The following PAK3 variants were observed in gnomAD, a reference collection of about 807,000 sequenced individuals.
PAK3 encodes p21 (RAC1) activated kinase 3.
Under a neutral mutation model 41.0 loss-of-function variants are expected in PAK3, and 4 were observed. That is an observed-to-expected ratio of 0.10 (90% CI 0.05 to 0.22). The LOEUF is 0.22. Ranked by LOEUF, PAK3 falls within the 10% of genes least tolerant of loss-of-function variation. PAK3 has a pLI of 1.00. For synonymous variants in PAK3, 146 were observed against 139.6 expected, an observed-to-expected ratio of 1.05 and a Z score of -0.32; for missense variants, 205 against 409.9, an observed-to-expected ratio of 0.50 and a Z score of 4.32.
At chrX:111,123,955 G>T (rs1173567566) in intron 5 of PAK3, among the ~76,000 whole-genome samples, 2 of 111,582 alleles carry the variant, frequency 1.8e-5, no homozygotes, top group Admixed American at 9.6e-5. Context: ...TAACTTTCAG[G>T]TTACATTAAT....
intron 11 of PAK3, among the ~76,000 whole-genome samples, chrX:111,184,006 T>C (rs2094485214): frequency 8.9e-6 from 1 of 111,745 alleles, no homozygotes; most frequent in Admixed American, 9.5e-5. Context: ...CCTTTGTTAC[T>C]TACTTGCTAT....
intron 1 of PAK3, among the ~76,000 whole-genome samples, chrX:111,050,680 A>C (rs1246388936): frequency 1.8e-5 from 2 of 111,791 alleles, no homozygotes; most frequent in African/African-American, 6.5e-5. Context: ...GTTGGCAGCA[A>C]TCTCAGATTG....
chrX:111,146,431 A>G, intron 6 of PAK3: 1 of 615,793 alleles, frequency 1.6e-6, no homozygotes, highest in East Asian at 3.6e-5. Flanking sequence ...CCCCCCATTC[A>G]GACCCATTGG....
At chrX:110,944,639 G>A (rs1041078867) in intron 1 of PAK3, 2 of 112,427 alleles carry the variant, frequency 1.8e-5, no homozygotes, top group African/African-American at 6.5e-5. Flanking sequence ...GTCTGTGCAG[G>A]GGGGGCGCTT....
intron 7 of PAK3, among the ~76,000 whole-genome samples, chrX:111,148,268 T>C (rs1043713931): frequency 1.8e-5 from 2 of 111,989 alleles, no homozygotes; most frequent in Non-Finnish European, 3.8e-5. Flanking sequence ...CTTAGATTCA[T>C]TGATTTACAC....
chrX:111,080,901 T>C (rs1205453818), intron 1 of PAK3, among the ~76,000 whole-genome samples: 1 of 111,878 alleles, frequency 8.9e-6, no homozygotes, highest in African/African-American at 3.3e-5. Flanking sequence ...TATTCAGCCT[T>C]AAAAAGGAAG....
intron 11 of PAK3, among the ~76,000 whole-genome samples, chrX:111,176,186 G>T (rs1039676557): frequency 1.7e-4 from 19 of 110,868 alleles, no homozygotes; most frequent in African/African-American, 6.2e-4. Context: ...TGCCAACTCC[G>T]TCTCTGTGGG....
intron 1 of PAK3, among the ~76,000 whole-genome samples, chrX:111,069,536 T>C (rs1016140574): frequency 3.6e-5 from 4 of 111,143 alleles, no homozygotes; most frequent in Non-Finnish European, 7.5e-5. Context: ...CAATACAAAA[T>C]ATGTATTTGT....
intron 4 of PAK3, among the ~76,000 whole-genome samples, chrX:111,110,490 A>G (rs1394502624): frequency 8.9e-6 from 1 of 112,246 alleles, no homozygotes; most frequent in Non-Finnish European, 1.9e-5. Flanking sequence ...GCTACAGTTT[A>G]TCTACAAATC....
chrX:111,121,004 G>C (rs16986369), intron 4 of PAK3, among the ~76,000 whole-genome samples: 2,203 of 111,805 alleles, frequency 0.02, 63 homozygotes, highest in African/African-American at 0.068. Context: ...TGTGAATTTA[G>C]AAGGACCAAA....
intron 17 of PAK3, among the ~76,000 whole-genome samples, chrX:111,218,720 G>C (rs950566898): frequency 3.6e-5 from 4 of 111,582 alleles, no homozygotes; most frequent in Admixed American, 9.5e-5. Context: ...GCTGTAGGCA[G>C]TGGGGAAACA....
chrX:111,065,316 C>A (rs1349628400), intron 1 of PAK3, among the ~76,000 whole-genome samples: 1 of 20,869 alleles, frequency 4.8e-5, no homozygotes, highest in Admixed American at 1.1e-3. Flanking sequence ...AAGATGATCA[C>A]GTTTTTTTTT....
chrX:111,145,363 C>G (rs944846333), intron 6 of PAK3, among the ~76,000 whole-genome samples: 2 of 112,076 alleles, frequency 1.8e-5, no homozygotes, highest in East Asian at 2.8e-4. Context: ...GATCATAAAA[C>G]TATTTATCAC....
rs776427750 is a variant in PAK3 at position 111,188,172 on chromosome X, A to G, written c.831-3955A>G. 1.7e-3 allele frequency among the ~76,000 whole-genome samples: 191 copies of G among 109,149 alleles called. 11 individuals are homozygous for G. Among genetic ancestry groups the G allele is most frequent in the Non-Finnish European group, 8.6e-4 (45 of 52,549 alleles). The allele number at this position is 109,149 out of a possible 115,157, so 94.8% of individuals were successfully genotyped here. A position where few individuals can be genotyped will look rare whatever the true frequency, so the allele number is the denominator to read the frequency against. On this transcript the variant is annotated intron_variant, in intron 11 of 17. Coordinates refer to ENST00000372007, the MANE Select transcript of PAK3 (RefSeq NM_002578.5). ...CAGGGTTAGAACTCTAGCAATTTTA[A>G]TACAATTAAATGCTGAGGGTGCTGG...
At chrX:111,082,544 C>A (rs1330263174) in intron 1 of PAK3, among the ~76,000 whole-genome samples, 1 of 111,393 alleles carries the variant, frequency 9.0e-6, no homozygotes, top group Non-Finnish European at 1.9e-5. Flanking sequence ...TGTGGACAAA[C>A]AAGGGCTTAT....
Position 111,225,820 on chromosome X carries a change from G to A in PAK3, c.*5373G>A, listed in dbSNP as rs1261892343. ...CTGCTATAGTGATGGCAAATATCAC[G>A]TTTAAGCCTGAGTCTCTTATGTTGC... On this transcript the variant is annotated 3_prime_UTR_variant, in exon 18 of 18. Transcript: ENST00000372007. 1.8e-5 allele frequency: 2 copies of A among 111,580 alleles called. No homozygotes were observed. The highest frequency in any genetic ancestry group is 3.8e-5 in the Non-Finnish European group (2 of 53,195). The allele number at this position is 111,580 out of a possible 1,213,427, so 9.2% of individuals were successfully genotyped here.
chrX:110,986,430 G>A (rs2091545597), intron 1 of PAK3, among the ~76,000 whole-genome samples: 1 of 111,595 alleles, frequency 9.0e-6, no homozygotes, highest in African/African-American at 3.3e-5. Context: ...AGAAGAGAGG[G>A]AAAACACAGC....
At position 111,216,490 on chromosome X, in the gene PAK3, C is replaced by T. The variant is rs2094880920; in HGVS notation, c.1477C>T (p.Arg493Cys). 2 of 1,188,679 alleles carry T rather than the reference C, an allele frequency of 1.7e-6. No individual in the cohort carries two copies. Among genetic ancestry groups the T allele is most frequent in the South Asian group, 1.8e-5 (1 of 56,435 alleles). ...QNPERLSAVF[R>C]DFLNRCLEMD... is the part of the protein sequence containing the mutation. ...TCCTGAGAGACTGTCAGCTGTATTC[C>T]GTGACTTTTTAAATCGCTGTCTTGA... is the stretch of plus-strand genomic sequence containing the variant. Residue 493 changes from arginine (R) to cysteine (C), a missense_variant, in exon 17 of 18, where the codon CGT becomes TGT. Transcript: ENST00000372007.
intron 5 of PAK3, among the ~76,000 whole-genome samples, chrX:111,129,187 T>C (rs1344484954): frequency 1.8e-5 from 2 of 111,718 alleles, no homozygotes; most frequent in Non-Finnish European, 3.8e-5. Context: ...CACAATAAAA[T>C]ATACTTAGTG....
Sources: allele counts gnomAD v4.1 joint callset (sites outside exome capture counted in the v4.1 genomes callset), GRCh38; gene constraint gnomAD v4.1.1; transcripts MANE v1.5; gene names NCBI Gene and HGNC (gene_info 2026-07-23, HGNC 2026-07-21).